BICC1: variants seen among roughly 807,000 people sequenced by gnomAD.
BICC1 encodes the protein protein bicaudal C homolog 1.
Under a neutral mutation model 111.0 loss-of-function variants are expected in BICC1, and 43 were observed. The ratio of observed to expected loss-of-function variants is 0.39; its 90% CI spans 0.30 to 0.50. The LOEUF (loss-of-function observed/expected upper bound fraction) is 0.50, where lower values mean the gene tolerates loss of function less well. Ranked by LOEUF, BICC1 falls within the 20% of genes least tolerant of loss-of-function variation. BICC1 has a pLI of 0.88. For synonymous variants in BICC1, 467 were observed against 434.4 expected, an observed-to-expected ratio of 1.07 and a Z score of -0.93; for missense variants, 1,091 against 1,203.2, an observed-to-expected ratio of 0.91 and a Z score of 1.38.
intron 19 of BICC1, among the ~76,000 whole-genome samples, chr10:58,818,081 A>G (rs1234313565): frequency 6.6e-6 from 1 of 152,208 alleles, no homozygotes; most frequent in Non-Finnish European, 1.5e-5. Flanking sequence ...ATCTGTTGTT[A>G]TCTTTATTTG....
intron 1 of BICC1, among the ~76,000 whole-genome samples, chr10:58,583,540 C>T (rs1484655766): frequency 3.3e-5 from 5 of 151,206 alleles, no homozygotes; most frequent in African/African-American, 1.2e-4. Flanking sequence ...GCTGCTAATG[C>T]CATTCTTTCT....
intron 3 of BICC1, among the ~76,000 whole-genome samples, chr10:58,750,200 T>C (rs537024013): frequency 1.3e-5 from 2 of 152,218 alleles, no homozygotes; most frequent in South Asian, 4.1e-4. Flanking sequence ...AGAAAAATGG[T>C]AGCGAGTGAG....
chr10:58,794,419 TG>T (rs1011701080), intron 9 of BICC1, among the ~76,000 whole-genome samples: 11 of 146,972 alleles, frequency 7.5e-5, no homozygotes, highest in African/African-American at 8.0e-5. Flanking sequence ...ATGGAATAAA[TG>T]TTTTTTTTTT....
intron 1 of BICC1, among the ~76,000 whole-genome samples, chr10:58,582,083 A>G (rs1844298333): frequency 6.6e-6 from 1 of 152,146 alleles, no homozygotes; most frequent in South Asian, 2.1e-4. Context: ...ATTTTTGAAG[A>G]TTGCTCCTTC....
At chr10:58,665,449 G>C (rs1001618586) in intron 2 of BICC1, among the ~76,000 whole-genome samples, 3 of 152,034 alleles carry the variant, frequency 2.0e-5, no homozygotes, top group Non-Finnish European at 4.4e-5. Flanking sequence ...GTTGAAGCCC[G>C]TATTTAAACT....
chr10:58,634,603 A>G (rs577501369), intron 2 of BICC1, among the ~76,000 whole-genome samples: 53 of 152,232 alleles, frequency 3.5e-4, no homozygotes, highest in African/African-American at 1.2e-3. Flanking sequence ...AAAAGTTGTA[A>G]ATTCTTGTTG....
intron 1 of BICC1, among the ~76,000 whole-genome samples, chr10:58,562,704 G>A (rs1589100706): frequency 6.6e-6 from 1 of 151,644 alleles, no homozygotes; most frequent in East Asian, 1.9e-4. Flanking sequence ...GTCTTACATT[G>A]ATATCTGTGC....
chr10:58,674,346 G>A (rs923886794), intron 2 of BICC1, among the ~76,000 whole-genome samples: 9 of 151,816 alleles, frequency 5.9e-5, no homozygotes, highest in Non-Finnish European at 1.3e-4. Flanking sequence ...TTTGTACCAT[G>A]TCTGCAGGTC....
At chr10:58,774,993 A>C (rs185398037) in intron 3 of BICC1, among the ~76,000 whole-genome samples, 53 of 152,322 alleles carry the variant, frequency 3.5e-4, no homozygotes, top group African/African-American at 1.2e-3. Flanking sequence ...CACCCTTATC[A>C]GGTGATTATT....
chr10:58,549,896 C>T (rs1471723853), intron 1 of BICC1, among the ~76,000 whole-genome samples: 1 of 151,822 alleles, frequency 6.6e-6, no homozygotes, highest in Non-Finnish European at 1.5e-5. Flanking sequence ...CCATGTTGCC[C>T]AGACTGGTCT....
chr10:58,522,591 C>T (rs901984056), intron 1 of BICC1, among the ~76,000 whole-genome samples: 4 of 152,108 alleles, frequency 2.6e-5, no homozygotes, highest in Non-Finnish European at 5.9e-5. Context: ...TAAATGCCCA[C>T]AAGAGAAAGC....
At chr10:58,778,639 G>A (rs909620418) in intron 3 of BICC1, among the ~76,000 whole-genome samples, 2 of 152,078 alleles carry the variant, frequency 1.3e-5, no homozygotes, top group African/African-American at 4.8e-5. Flanking sequence ...GCTGCCTTAG[G>A]GGCAGCAGAT....
intron 3 of BICC1, among the ~76,000 whole-genome samples, chr10:58,741,470 A>G (rs892663450): frequency 6.6e-6 from 1 of 152,308 alleles, no homozygotes; most frequent in African/African-American, 2.4e-5. Context: ...ACAGAGTGAG[A>G]TCATTTTTGC....
At chr10:58,615,777 T>C (rs1284111018) in intron 1 of BICC1, among the ~76,000 whole-genome samples, 2 of 152,192 alleles carry the variant, frequency 1.3e-5, no homozygotes, top group Non-Finnish European at 2.9e-5. Context: ...ACATGAGTTA[T>C]GGTGCCCAGT....
chr10:58,588,910 G>T (rs1377928271), intron 1 of BICC1, among the ~76,000 whole-genome samples: 1 of 152,118 alleles, frequency 6.6e-6, no homozygotes, highest in East Asian at 1.9e-4. Context: ...GCACCAGGTA[G>T]AGTGACCAGC....
chr10:58,728,452 C>T (rs1212371461), intron 3 of BICC1, among the ~76,000 whole-genome samples: 1 of 152,116 alleles, frequency 6.6e-6, no homozygotes, highest in African/African-American at 2.4e-5. Flanking sequence ...CTTCTAATTA[C>T]AGTTCTCTTG....
At chr10:58,822,921 T>C (rs565426047) in intron 20 of BICC1, among the ~76,000 whole-genome samples, 1 of 152,298 alleles carries the variant, frequency 6.6e-6, no homozygotes, top group Non-Finnish European at 1.5e-5. Flanking sequence ...GATTTTAAAC[T>C]TATAATCTGA....
intron 2 of BICC1, among the ~76,000 whole-genome samples, chr10:58,645,846 G>A (rs181642185): frequency 8.5e-5 from 13 of 152,278 alleles, no homozygotes; most frequent in African/African-American, 1.4e-4. Flanking sequence ...AGAAGCAGTT[G>A]CCTTTTTATT....
chr10:58,798,654 A>C (rs1322073487), intron 11 of BICC1, 94 bp downstream of exon 11: 1 of 1,182,876 alleles, frequency 8.5e-7, no homozygotes, highest in African/African-American at 1.6e-5. Context: ...TTCTTAAGGC[A>C]AAATTAGGGT....
Sources: allele counts gnomAD v4.1 joint callset (sites outside exome capture counted in the v4.1 genomes callset), GRCh38; gene constraint gnomAD v4.1.1; transcripts MANE v1.5; gene names NCBI Gene and HGNC (gene_info 2026-07-23, HGNC 2026-07-21).